GPR89B: variants seen among roughly 807,000 people sequenced by gnomAD.
GPR89B encodes the protein G protein-coupled receptor 89B.
Under a neutral mutation model 52.4 loss-of-function variants are expected in GPR89B, and 25 were observed. That is an observed-to-expected ratio of 0.48 (90% CI 0.35 to 0.67). The LOEUF (loss-of-function observed/expected upper bound fraction) is 0.67, where lower values mean the gene tolerates loss of function less well. Ranked by LOEUF, GPR89B falls within the 30% of genes least tolerant of loss-of-function variation. The pLI is 0.01. For synonymous variants in GPR89B, 52 were observed against 151.2 expected, an observed-to-expected ratio of 0.34 and a Z score of 4.81; for missense variants, 146 against 450.2, an observed-to-expected ratio of 0.32 and a Z score of 6.11.
chr1:148,022,371 T>C, the GPR89B span, among the ~76,000 whole-genome samples: 1 of 151,504 alleles, frequency 6.6e-6, no homozygotes, highest in African/African-American at 2.4e-5. Flanking sequence ...AGTTTCTTCC[T>C]TAAGTGTTTG....
intron 12 of GPR89B, among the ~76,000 whole-genome samples, chr1:147,989,606 G>A (rs1382591369): frequency 4.0e-5 from 6 of 151,326 alleles, no homozygotes; most frequent in East Asian, 3.9e-4. Context: ...GACAAGCCTC[G>A]GTGTGTGATG....
chr1:147,933,866 TATATA>T (rs1205700285), intron 1 of GPR89B, among the ~76,000 whole-genome samples: 3 of 152,180 alleles, frequency 2.0e-5, no homozygotes, highest in Admixed American at 6.5e-5. Flanking sequence ...CATACCGCTC[TATATA>T]ATATAAAACA....
At chr1:147,940,237 A>G (rs1654443635) in intron 3 of GPR89B, among the ~76,000 whole-genome samples, 3 of 151,756 alleles carry the variant, frequency 2.0e-5, no homozygotes, top group Non-Finnish European at 2.9e-5. Context: ...CCCCGTCTCT[A>G]CTAAAAATAC....
chr1:147,995,540 G>C (rs1367606215), downstream of GPR89B: 10 of 1,567,484 alleles, frequency 6.4e-6, no homozygotes, highest in African/African-American at 1.4e-4. Context: ...TACTCATAGG[G>C]ACTGTACCCA....
chr1:147,975,540 T>C (rs1432482521), intron 10 of GPR89B, among the ~76,000 whole-genome samples: 2 of 152,176 alleles, frequency 1.3e-5, no homozygotes, highest in East Asian at 3.8e-4. Flanking sequence ...TTGTGTCTGT[T>C]TGATTCTTCT....
At chr1:147,950,558 G>T (rs1241527904) in intron 5 of GPR89B, among the ~76,000 whole-genome samples, 5 of 152,204 alleles carry the variant, frequency 3.3e-5, no homozygotes, top group Non-Finnish European at 5.9e-5. Flanking sequence ...TGCAATCTTG[G>T]CACTTTGGGA....
At chr1:147,970,254 C>T (rs1209446145) in intron 10 of GPR89B, among the ~76,000 whole-genome samples, 3 of 151,836 alleles carry the variant, frequency 2.0e-5, no homozygotes, top group Admixed American at 6.6e-5. Flanking sequence ...CCAGCACTTT[C>T]GGAGGCCAAG....
intron 10 of GPR89B, among the ~76,000 whole-genome samples, chr1:147,971,858 G>A (rs1465242917): frequency 4.4e-4 from 66 of 151,512 alleles, no homozygotes; most frequent in African/African-American, 1.5e-3. Context: ...AACTGGGTAC[G>A]TTTTGACATA....
chr1:148,002,818 T>A, the GPR89B span, among the ~76,000 whole-genome samples: 1 of 152,192 alleles, frequency 6.6e-6, no homozygotes, highest in African/African-American at 2.4e-5. Context: ...CCTGACTGTG[T>A]TCACATGACT....
At chr1:147,959,314 A>C (rs1656363575) in intron 7 of GPR89B, among the ~76,000 whole-genome samples, 1 of 152,156 alleles carries the variant, frequency 6.6e-6, no homozygotes, top group South Asian at 2.1e-4. Flanking sequence ...TCACTAGTGA[A>C]ATTTCAGCAA....
intron 11 of GPR89B, among the ~76,000 whole-genome samples, chr1:147,988,103 A>G (rs1658797957): frequency 6.6e-6 from 1 of 151,958 alleles, no homozygotes; most frequent in South Asian, 2.1e-4. Context: ...CTGTAGTACC[A>G]ACACTTTGGG....
At position 147,952,793 on chromosome 1, in the gene GPR89B, C is replaced by T. The variant is rs1275886448; in HGVS notation, c.416-552C>T. Among the ~76,000 whole-genome samples the T allele has an allele frequency of 6.6e-5, 10 of 150,520 alleles. No homozygotes were observed. The South Asian group carries it at 1.5e-3, about 22-fold the overall frequency. On this transcript the variant is annotated intron_variant, in intron 5 of 13. Coordinates refer to ENST00000314163, the MANE Select transcript of GPR89B (RefSeq NM_016334.5). ...GATAATTAGGATACAATTTATAATC[C>T]GAAACTGATGTGTTTGCCTTTGAAT...
At chr1:148,023,147 G>T in the GPR89B span, among the ~76,000 whole-genome samples, 1 of 149,948 alleles carries the variant, frequency 6.7e-6, no homozygotes, top group South Asian at 2.1e-4. Flanking sequence ...TTATGTCCAT[G>T]TGAGCTCAAT....
chr1:147,995,687 G>A (rs1217145785), downstream of GPR89B: 8 of 1,608,514 alleles, frequency 5.0e-6, no homozygotes, highest in Non-Finnish European at 5.9e-6. Context: ...AGCCAGGGAG[G>A]AAACAATAGG....
the GPR89B span, chr1:148,005,556 C>CA: frequency 8.1e-7 from 1 of 1,241,248 alleles, no homozygotes; most frequent in Non-Finnish European, 1.1e-6. Context: ...CAAGTGACTC[C>CA]CTCTTGGATG....
chr1:147,933,344 C>T (rs1653806322), intron 1 of GPR89B, among the ~76,000 whole-genome samples: 1 of 152,066 alleles, frequency 6.6e-6, no homozygotes. Context: ...CCTCACCATT[C>T]AAAATTGTTT....
intron 12 of GPR89B, among the ~76,000 whole-genome samples, chr1:147,991,890 T>C (rs1287936062): frequency 6.6e-6 from 1 of 151,476 alleles, no homozygotes; most frequent in Non-Finnish European, 1.5e-5. Context: ...TTCATCAGGG[T>C]CTAAAATTCT....
At chr1:147,980,691 C>T (rs1283619498) in intron 10 of GPR89B, among the ~76,000 whole-genome samples, 1 of 151,382 alleles carries the variant, frequency 6.6e-6, no homozygotes, top group Non-Finnish European at 1.5e-5. Context: ...ATTCCATACT[C>T]GCCTGTAGTC....
chr1:148,016,780 T>G, the GPR89B span, among the ~76,000 whole-genome samples: 1 of 151,412 alleles, frequency 6.6e-6, no homozygotes, highest in South Asian at 2.1e-4. Flanking sequence ...CCGCTCCTTT[T>G]CAGGGACTCA....
Sources: gnomAD v4.1 joint callset for allele counts (sites outside exome capture counted in the v4.1 genomes callset) on GRCh38, gnomAD v4.1.1 for gene constraint, MANE v1.5 for transcripts, NCBI Gene and HGNC (gene_info 2026-07-23, HGNC 2026-07-21) for gene names.